PLPP4: variants seen among roughly 807,000 people sequenced by gnomAD.
PLPP4 encodes phospholipid phosphatase 4, also known as diacylglycerol pyrophosphate like 2.
PLPP4 carries 20 observed loss-of-function variants against 32.2 expected under a neutral mutation model. The ratio of observed to expected loss-of-function variants is 0.62; its 90% CI spans 0.44 to 0.90. The LOEUF (loss-of-function observed/expected upper bound fraction) is 0.90, where lower values mean the gene tolerates loss of function less well. Ranked by LOEUF, PLPP4 falls within the 40% of genes least tolerant of loss-of-function variation. PLPP4 has a pLI of 0.00. For synonymous variants in PLPP4, 127 were observed against 133.0 expected, an observed-to-expected ratio of 0.95 and a Z score of 0.31; for missense variants, 257 against 353.1, an observed-to-expected ratio of 0.73 and a Z score of 2.18.
At chr10:120,585,115 A>G (rs1057513382) in intron 6 of PLPP4, among the ~76,000 whole-genome samples, 1 of 152,236 alleles carries the variant, frequency 6.6e-6, no homozygotes, top group Non-Finnish European at 1.5e-5. Context: ...AGATGCTAAT[A>G]GAAATACCTC....
At chr10:120,469,996 A>C (rs902832136) in intron 1 of PLPP4, among the ~76,000 whole-genome samples, 3 of 152,162 alleles carry the variant, frequency 2.0e-5, no homozygotes, top group Admixed American at 2.0e-4. Flanking sequence ...CTTACAAATG[A>C]ATTTTCTGGG....
At chr10:120,466,674 A>G (rs990425364) in intron 1 of PLPP4, among the ~76,000 whole-genome samples, 1 of 152,150 alleles carries the variant, frequency 6.6e-6, no homozygotes, top group Non-Finnish European at 1.5e-5. Flanking sequence ...TTATAGGTCA[A>G]AACACTCAAA....
chr10:120,525,677 G>T (rs1392258205), intron 5 of PLPP4, among the ~76,000 whole-genome samples: 1 of 152,230 alleles, frequency 6.6e-6, no homozygotes. Flanking sequence ...TCCCATAAAT[G>T]AGTACATACA....
chr10:120,463,437 A>G (rs1021166078), intron 1 of PLPP4, among the ~76,000 whole-genome samples: 3 of 152,222 alleles, frequency 2.0e-5, no homozygotes, highest in African/African-American at 7.2e-5. Flanking sequence ...CTAACTAACA[A>G]TTGCCTTCAA....
At chr10:120,532,107 T>A (rs534840208) in intron 5 of PLPP4, among the ~76,000 whole-genome samples, 1 of 152,202 alleles carries the variant, frequency 6.6e-6, no homozygotes, top group African/African-American at 2.4e-5. Flanking sequence ...TTCCCCTCCC[T>A]GTGTCCATGT....
At chr10:120,483,360 A>G (rs1052736064) in intron 1 of PLPP4, among the ~76,000 whole-genome samples, 3 of 152,172 alleles carry the variant, frequency 2.0e-5, no homozygotes, top group Non-Finnish European at 2.9e-5. Context: ...TAAACTCCCC[A>G]TTCATATATA....
intron 1 of PLPP4, among the ~76,000 whole-genome samples, chr10:120,481,421 C>T (rs1177719338): frequency 6.6e-6 from 1 of 152,144 alleles, no homozygotes; most frequent in Admixed American, 6.5e-5. Flanking sequence ...CATTGTAGCT[C>T]CAACCATCTA....
intron 5 of PLPP4, among the ~76,000 whole-genome samples, chr10:120,527,172 G>T (rs993608692): frequency 6.6e-6 from 1 of 152,112 alleles, no homozygotes; most frequent in Non-Finnish European, 1.5e-5. Context: ...TCAATTGATT[G>T]ATTTATTTTA....
At chr10:120,462,236 G>T (rs550232894) in intron 1 of PLPP4, among the ~76,000 whole-genome samples, 1 of 151,906 alleles carries the variant, frequency 6.6e-6, no homozygotes, top group Non-Finnish European at 1.5e-5. Context: ...TGGGGTGGGT[G>T]GGTGTGGGAG....
chr10:120,535,047 C>T (rs60499044), intron 5 of PLPP4, among the ~76,000 whole-genome samples: 11,558 of 152,024 alleles, frequency 0.076, 762 homozygotes, highest in African/African-American at 0.17. Context: ...TGGAGACCAG[C>T]GAATTTAGGT....
chr10:120,496,181 C>T (rs1309081624), intron 1 of PLPP4, among the ~76,000 whole-genome samples: 1 of 152,204 alleles, frequency 6.6e-6, no homozygotes, highest in African/African-American at 2.4e-5. Context: ...GGCCTGTCAT[C>T]CAGGCACATG....
chr10:120,493,172 G>A (rs566299817), intron 1 of PLPP4, among the ~76,000 whole-genome samples: 110 of 152,312 alleles, frequency 7.2e-4, no homozygotes, highest in African/African-American at 2.4e-3. Context: ...CCTGGTCAGA[G>A]CACATATGTT....
rs761215343 is a variant in PLPP4 at position 120,591,468 on chromosome 10, G to A, written c.*1966G>A. Among the ~76,000 whole-genome samples, 3 of 152,030 alleles carry A rather than the reference G, an allele frequency of 2.0e-5. No homozygotes were observed. Among genetic ancestry groups the A allele is most frequent in the Non-Finnish European group, 2.9e-5 (2 of 68,010 alleles). ...GAGATATTTTAAGAGATAAATCATA[G>A]CAATTGAAAAGACATAATTTTAAAT... On this transcript the variant is annotated 3_prime_UTR_variant, in exon 7 of 7. Coordinates refer to ENST00000398250, the MANE Select transcript of PLPP4 (RefSeq NM_001030059.3).
intron 5 of PLPP4, among the ~76,000 whole-genome samples, chr10:120,571,562 G>GT (rs2134042404): frequency 6.6e-6 from 1 of 152,230 alleles, no homozygotes; most frequent in Non-Finnish European, 1.5e-5. Flanking sequence ...AGCCTTCCTG[G>GT]TTTTTTGTTG....
Position 120,555,074 on chromosome 10 carries a change from C to G in PLPP4, c.446-20057C>G, listed in dbSNP as rs12774116. ...TCTCCCAGTGGCTGTCAGATTACAG[C>G]GAGTGGCAAATGTGGGGGGTGGGGG... On this transcript the variant is annotated intron_variant, in intron 5 of 6. Coordinates refer to ENST00000398250, the MANE Select transcript of PLPP4 (RefSeq NM_001030059.3). Among the ~76,000 whole-genome samples, 9 of 151,360 alleles carry G rather than the reference C, an allele frequency of 5.9e-5. No homozygotes were observed. The South Asian group carries it at 1.9e-3, about 32-fold the overall frequency.
chr10:120,494,868 G>A (rs765244094), intron 1 of PLPP4, among the ~76,000 whole-genome samples: 16 of 152,212 alleles, frequency 1.1e-4, no homozygotes, highest in Non-Finnish European at 2.1e-4. Flanking sequence ...TCCACACTGA[G>A]TGAGACTGGA....
At chr10:120,514,233 C>T (rs1013387842) in intron 3 of PLPP4, among the ~76,000 whole-genome samples, 11 of 152,330 alleles carry the variant, frequency 7.2e-5, no homozygotes, top group Non-Finnish European at 1.0e-4. Flanking sequence ...GCTGAATGCT[C>T]GTAACACCCT....
intron 2 of PLPP4, 43 bp from the exon 3 acceptor site, chr10:120,513,868 C>G (rs1305934693): frequency 2.7e-6 from 4 of 1,474,564 alleles, no homozygotes; most frequent in Non-Finnish European, 3.8e-6. Context: ...CTTCTGATAG[C>G]AAACTGATGT....
chr10:120,557,130 A>G (rs1439489537), intron 5 of PLPP4, among the ~76,000 whole-genome samples: 1 of 152,210 alleles, frequency 6.6e-6, no homozygotes, highest in East Asian at 1.9e-4. Context: ...CATGCTGACC[A>G]TCGTAACAAA....
Sources: gnomAD v4.1 joint callset for allele counts (sites outside exome capture counted in the v4.1 genomes callset) on GRCh38, gnomAD v4.1.1 for gene constraint, MANE v1.5 for transcripts, NCBI Gene and HGNC (gene_info 2026-07-23, HGNC 2026-07-21) for gene names.